RIMS2: variants seen among roughly 807,000 people sequenced by gnomAD.
RIMS2 encodes the protein regulating synaptic membrane exocytosis 2, also known as regulating synaptic membrane exocytosis protein 2.
Under a neutral mutation model 174.4 loss-of-function variants are expected in RIMS2, and 59 were observed. The observed-to-expected ratio is 0.34, with a 90% confidence interval of 0.27 to 0.42. RIMS2 has a LOEUF of 0.42. Ranked by LOEUF, RIMS2 falls within the 10% of genes least tolerant of loss-of-function variation. The pLI is 1.00. For missense variants in RIMS2, 1,620 were observed against 1,666.3 expected, an observed-to-expected ratio of 0.97 and a Z score of 0.48; for synonymous variants, 606 against 572.5, an observed-to-expected ratio of 1.06 and a Z score of -0.84.
intron 1 of RIMS2, among the ~76,000 whole-genome samples, chr8:103,573,230 A>ATT (rs147329261): frequency 4.9e-4 from 69 of 139,830 alleles, no homozygotes; most frequent in African/African-American, 1.6e-3. Flanking sequence ...TAATTTTTGT[A>ATT]TTTTTTTTTT....
intron 3 of RIMS2, among the ~76,000 whole-genome samples, chr8:103,839,746 G>C (rs188788533): frequency 6.6e-6 from 1 of 152,264 alleles, no homozygotes. Context: ...TATTCACTTA[G>C]CTCTCTTCTG....
intron 19 of RIMS2, among the ~76,000 whole-genome samples, chr8:104,200,753 C>T (rs1210852246): frequency 3.3e-5 from 5 of 152,016 alleles, no homozygotes; most frequent in Non-Finnish European, 7.4e-5. Context: ...AGAAAAAACA[C>T]AGAAACACTA....
chr8:104,091,640 T>G (rs926517872), intron 19 of RIMS2, among the ~76,000 whole-genome samples: 1 of 150,106 alleles, frequency 6.7e-6, no homozygotes, highest in African/African-American at 2.4e-5. Context: ...TATTATTGTA[T>G]AGTGTACATA....
intron 1 of RIMS2, among the ~76,000 whole-genome samples, chr8:103,529,477 A>T (rs1835900717): frequency 6.6e-6 from 1 of 152,328 alleles, no homozygotes; most frequent in African/African-American, 2.4e-5. Flanking sequence ...CCACTGGAAA[A>T]GTGCAGTATT....
chr8:103,908,865 C>G (rs1270625450), intron 4 of RIMS2, among the ~76,000 whole-genome samples: 2 of 152,104 alleles, frequency 1.3e-5, no homozygotes, highest in Non-Finnish European at 2.9e-5. Context: ...CACTTAAAAT[C>G]CTTCAGTGTT....
At chr8:103,532,951 C>T (rs1837930976) in intron 1 of RIMS2, among the ~76,000 whole-genome samples, 1 of 152,094 alleles carries the variant, frequency 6.6e-6, no homozygotes. Flanking sequence ...TGACAAAGCA[C>T]TGGGTTTATT....
intron 15 of RIMS2, among the ~76,000 whole-genome samples, chr8:103,972,526 A>G (rs1049223155): frequency 1.3e-5 from 2 of 152,144 alleles, no homozygotes; most frequent in Admixed American, 6.5e-5. Context: ...AAATGCCACA[A>G]TGTTTGCAAT....
intron 19 of RIMS2, among the ~76,000 whole-genome samples, chr8:104,138,321 T>A (rs1422978986): frequency 6.6e-6 from 1 of 152,170 alleles, no homozygotes; most frequent in Non-Finnish European, 1.5e-5. Flanking sequence ...AATATGGTAG[T>A]TCTGTTTTTA....
chr8:103,537,437 A>T (rs541236517), intron 1 of RIMS2, among the ~76,000 whole-genome samples: 1 of 152,320 alleles, frequency 6.6e-6, no homozygotes, highest in South Asian at 2.1e-4. Flanking sequence ...TAAGGATATG[A>T]CAGTTTTAGT....
At chr8:104,234,696 A>G (rs1026950346) in intron 19 of RIMS2, among the ~76,000 whole-genome samples, 1 of 152,216 alleles carries the variant, frequency 6.6e-6, no homozygotes, top group African/African-American at 2.4e-5. Context: ...TTACTGCAGA[A>G]GAGTCATAAG....
intron 1 of RIMS2, among the ~76,000 whole-genome samples, chr8:103,581,226 G>A (rs570885603): frequency 6.6e-6 from 1 of 152,188 alleles, no homozygotes; most frequent in Admixed American, 6.5e-5. Context: ...AATGTAAAAT[G>A]CTCAACAAAA....
chr8:103,770,576 CAA>C (rs945964309), intron 3 of RIMS2, among the ~76,000 whole-genome samples: 1 of 150,458 alleles, frequency 6.6e-6, no homozygotes, highest in African/African-American at 2.4e-5. Flanking sequence ...AACTCTGTCT[CAA>C]AAAAAAACCC....
At chr8:103,977,409 TTTAA>T (rs2093543267) in intron 16 of RIMS2, 1 of 152,212 alleles carries the variant, frequency 6.6e-6, no homozygotes, top group African/African-American at 2.4e-5. Context: ...AATTTGTAAC[TTTAA>T]TAAATTGAAC....
At chr8:104,109,399 A>G (rs1476944910) in intron 19 of RIMS2, among the ~76,000 whole-genome samples, 1 of 152,064 alleles carries the variant, frequency 6.6e-6, no homozygotes, top group East Asian at 1.9e-4. Context: ...GGATTCAGAC[A>G]GAACTTGATT....
chr8:103,794,154 G>A (rs1003893421), intron 3 of RIMS2, among the ~76,000 whole-genome samples: 1 of 152,080 alleles, frequency 6.6e-6, no homozygotes, highest in Non-Finnish European at 1.5e-5. Flanking sequence ...AACAAAGCTG[G>A]CAGCATCACA....
At chr8:103,812,484 C>A (rs943559953) in intron 3 of RIMS2, among the ~76,000 whole-genome samples, 1 of 152,012 alleles carries the variant, frequency 6.6e-6, no homozygotes. Context: ...TGGGTTCAAG[C>A]GATTCTCCTG....
chr8:104,180,720 A>G lies in RIMS2; in HGVS notation c.3335-64196A>G, dbSNP rs1031343304. Among the ~76,000 whole-genome samples the G allele has an allele frequency of 2.6e-5, 4 of 151,868 alleles. No individual in the cohort carries two copies. The East Asian group carries it at 7.7e-4, about 29-fold the overall frequency. On this transcript the variant is annotated intron_variant, in intron 19 of 23. Coordinates refer to ENST00000504942, the Ensembl canonical transcript of RIMS2. ...AGGTCATTGCACTATTTAATGTATTAATATGACATTGGATCTTTTGCCAAT... is the reference window on the plus strand; with the variant it reads ...AGGTCATTGCACTATTTAATGTATTGATATGACATTGGATCTTTTGCCAAT...
intron 1 of RIMS2, among the ~76,000 whole-genome samples, chr8:103,589,019 C>T (rs2094119191): frequency 1.3e-5 from 2 of 151,478 alleles, no homozygotes; most frequent in African/African-American, 4.8e-5. Flanking sequence ...GTTTTCACCA[C>T]TGTGATTCAA....
chr8:103,765,671 G>C (rs12541956), intron 2 of RIMS2, among the ~76,000 whole-genome samples: 1 of 150,992 alleles, frequency 6.6e-6, no homozygotes, highest in African/African-American at 2.4e-5. Flanking sequence ...ATATAATTGC[G>C]GTTAGAATGT....
Sources: gnomAD v4.1 joint callset for allele counts (sites outside exome capture counted in the v4.1 genomes callset) on GRCh38, gnomAD v4.1.1 for gene constraint, MANE v1.5 for transcripts, NCBI Gene and HGNC (gene_info 2026-07-23, HGNC 2026-07-21) for gene names.